The following GNA14 variants were observed in gnomAD, a reference collection of about 807,000 sequenced individuals.
GNA14 encodes the protein G protein subunit alpha 14.
A neutral mutation model predicts 42.0 loss-of-function variants in GNA14; 50 were observed. That is an observed-to-expected ratio of 1.19 (90% CI 0.95 to 1.51). The LOEUF (loss-of-function observed/expected upper bound fraction) is 1.51, where lower values mean the gene tolerates loss of function less well. Among genes scored for constraint, GNA14 ranks in the 40% most tolerant of loss-of-function variants. The probability of loss-of-function intolerance (pLI) is 0.00; values close to 1 mark genes in which losing one functional copy is unlikely to be tolerated. For missense variants in GNA14, 473 were observed against 446.2 expected (o/e 1.06, Z -0.54); for synonymous variants, 173 against 163.1 (o/e 1.06, Z -0.46).
intron 2 of GNA14, among the ~76,000 whole-genome samples, chr9:77,497,301 C>T (rs946957028): frequency 2.0e-5 from 3 of 152,200 alleles, no homozygotes; most frequent in Non-Finnish European, 4.4e-5. Flanking sequence ...TGATCTGGGC[C>T]GGAAATGGAC....
chr9:77,622,368 C>G (rs572424444), intron 1 of GNA14, among the ~76,000 whole-genome samples: 1 of 152,260 alleles, frequency 6.6e-6, no homozygotes, highest in African/African-American at 2.4e-5. Context: ...GCTAAAAGAA[C>G]TTAGAAAGTG....
At chr9:77,487,136 G>C (rs773720691) in intron 2 of GNA14, among the ~76,000 whole-genome samples, 3 of 152,090 alleles carry the variant, frequency 2.0e-5, no homozygotes, top group Non-Finnish European at 4.4e-5. Context: ...GTGACTAGTA[G>C]GCAGAGAGCA....
intron 1 of GNA14, among the ~76,000 whole-genome samples, chr9:77,579,590 C>T (rs1823183551): frequency 6.6e-6 from 1 of 152,138 alleles, no homozygotes; most frequent in Non-Finnish European, 1.5e-5. Flanking sequence ...TTTTCACAGA[C>T]CCATTGTTCT....
intron 1 of GNA14, among the ~76,000 whole-genome samples, chr9:77,622,327 C>T (rs1823939233): frequency 6.6e-6 from 1 of 152,016 alleles, no homozygotes; most frequent in African/African-American, 2.4e-5. Context: ...TAAGGAACAG[C>T]AAAAGAATAA....
At chr9:77,466,126 T>G (rs1329963567) in intron 2 of GNA14, among the ~76,000 whole-genome samples, 1 of 152,216 alleles carries the variant, frequency 6.6e-6, no homozygotes, top group Non-Finnish European at 1.5e-5. Context: ...TTAGATTTCA[T>G]GGAGGTCCTT....
intron 1 of GNA14, among the ~76,000 whole-genome samples, chr9:77,547,063 C>T (rs1587825762): frequency 6.6e-6 from 1 of 152,198 alleles, no homozygotes; most frequent in Non-Finnish European, 1.5e-5. Context: ...ACCAGCTTTT[C>T]CTTTTCATAC....
intron 1 of GNA14, among the ~76,000 whole-genome samples, chr9:77,566,298 G>A (rs1015935477): frequency 4.6e-5 from 7 of 151,922 alleles, no homozygotes; most frequent in Non-Finnish European, 8.8e-5. Context: ...GGGATTACAG[G>A]CGTGTGCCAC....
intron 1 of GNA14, among the ~76,000 whole-genome samples, chr9:77,531,190 C>T (rs1483659355): frequency 2.6e-5 from 4 of 152,190 alleles, no homozygotes; most frequent in Non-Finnish European, 5.9e-5. Context: ...AACAATGTGC[C>T]TGCTTTATAG....
intron 1 of GNA14, among the ~76,000 whole-genome samples, chr9:77,559,310 G>T (rs1055275389): frequency 6.6e-6 from 1 of 152,184 alleles, no homozygotes; most frequent in East Asian, 1.9e-4. Context: ...TCCTGGGAGG[G>T]CTCTGGCTGG....
chr9:77,594,491 C>T (rs1046927231), intron 1 of GNA14, among the ~76,000 whole-genome samples: 1 of 152,206 alleles, frequency 6.6e-6, no homozygotes, highest in African/African-American at 2.4e-5. Flanking sequence ...GTTTTACACC[C>T]AAAGTGTCAA....
At chr9:77,582,433 G>T (rs190039248) in intron 1 of GNA14, among the ~76,000 whole-genome samples, 8 of 152,216 alleles carry the variant, frequency 5.3e-5, no homozygotes, top group African/African-American at 1.7e-4. Context: ...AACACTGACC[G>T]CCAGGATAGA....
chr9:77,468,436 G>T (rs750053465), intron 2 of GNA14, among the ~76,000 whole-genome samples: 1 of 152,120 alleles, frequency 6.6e-6, no homozygotes, highest in Non-Finnish European at 1.5e-5. Context: ...TACACAGGTC[G>T]ATTTAATTCT....
chr9:77,630,411 C>T lies in GNA14; in HGVS notation c.124+17259G>A, dbSNP rs898068267. ...AGGACTACAGACATGAGCCACCATG[C>T]CTGGCCAAGAGAGTAAGATTTATTT... On this transcript the variant is annotated intron_variant, in intron 1 of 6. Coordinates refer to ENST00000341700, the MANE Select transcript of GNA14 (RefSeq NM_004297.4). Among the ~76,000 whole-genome samples the T allele has an allele frequency of 3.3e-5, 5 of 152,108 alleles. No individual in the cohort carries two copies. In the South Asian group the frequency reaches 8.3e-4, roughly 25 times the overall value.
intron 4 of GNA14, among the ~76,000 whole-genome samples, chr9:77,430,996 T>G (rs1835540640): frequency 1.5e-5 from 2 of 131,100 alleles, no homozygotes; most frequent in South Asian, 2.6e-4. Context: ...ATCACTACAT[T>G]CAATTTGTGG....
intron 1 of GNA14, chr9:77,580,491 C>G (rs1663108): frequency 0.55 from 209,904 of 378,274 alleles, 63,488 homozygotes; most frequent in East Asian, 0.84. Flanking sequence ...GCTGCATCAT[C>G]AGCATGGTTG....
intron 2 of GNA14, among the ~76,000 whole-genome samples, chr9:77,466,977 G>A (rs1281343851): frequency 1.4e-5 from 2 of 147,718 alleles, no homozygotes; most frequent in Non-Finnish European, 3.0e-5. Context: ...AGCCAGTTAG[G>A]GTTTTTTTGC....
chr9:77,426,539 C>T (rs557482508), intron 5 of GNA14, among the ~76,000 whole-genome samples: 6 of 152,214 alleles, frequency 3.9e-5, no homozygotes, highest in African/African-American at 9.6e-5. Context: ...CTCCTGACCT[C>T]GCGATCCGCC....
chr9:77,453,363 T>C (rs1162161150), intron 2 of GNA14, among the ~76,000 whole-genome samples: 1 of 152,212 alleles, frequency 6.6e-6, no homozygotes, highest in African/African-American at 2.4e-5. Context: ...TATTCTGTTA[T>C]AGCAGCCTGA....
At chr9:77,645,281 G>A (rs1322344009) in intron 1 of GNA14, among the ~76,000 whole-genome samples, 1 of 152,226 alleles carries the variant, frequency 6.6e-6, no homozygotes, top group Non-Finnish European at 1.5e-5. Context: ...ACCCACTAGA[G>A]AGATGGGTGA....
Sources: allele counts gnomAD v4.1 joint callset (sites outside exome capture counted in the v4.1 genomes callset), GRCh38; gene constraint gnomAD v4.1.1; transcripts MANE v1.5; gene names NCBI Gene and HGNC (gene_info 2026-07-23, HGNC 2026-07-21).